Variants in RAB27B observed in about 807,000 individuals in gnomAD.
RAB27B encodes RAB27B, member RAS oncogene family.
RAB27B carries 15 observed loss-of-function variants against 24.6 expected under a neutral mutation model. That is an observed-to-expected ratio of 0.61 (90% CI 0.41 to 0.94). The LOEUF (loss-of-function observed/expected upper bound fraction) is 0.94. Among genes scored for constraint, RAB27B ranks in the 40% least tolerant of loss-of-function variants. RAB27B has a pLI of 0.00. For missense variants in RAB27B, 261 were observed against 266.8 expected (o/e 0.98, Z 0.15); for synonymous variants, 105 against 92.5 (o/e 1.14, Z -0.78).
intron 2 of RAB27B, among the ~76,000 whole-genome samples, chr18:54,757,427 T>C (rs1041744894): frequency 2.6e-5 from 4 of 152,214 alleles, no homozygotes; most frequent in African/African-American, 9.6e-5. Flanking sequence ...GCAATTATCA[T>C]ACCTTTTGAC....
chr18:54,857,212 T>A (rs72924767), intron 1 of RAB27B, among the ~76,000 whole-genome samples: 48 of 152,326 alleles, frequency 3.2e-4, no homozygotes, highest in Non-Finnish European at 6.3e-4. Flanking sequence ...GGGTACTCTG[T>A]CAGAATTCAT....
At chr18:54,853,250 A>G (rs781754353) in intron 1 of RAB27B, among the ~76,000 whole-genome samples, 14 of 152,186 alleles carry the variant, frequency 9.2e-5, no homozygotes, top group Non-Finnish European at 1.6e-4. Flanking sequence ...TAGAACTGCA[A>G]TGGGATCTTA....
intron 2 of RAB27B, among the ~76,000 whole-genome samples, chr18:54,781,959 T>G (rs1427274409): frequency 6.6e-6 from 1 of 152,240 alleles, no homozygotes; most frequent in Non-Finnish European, 1.5e-5. Flanking sequence ...ATGTGCCCAC[T>G]AAGCTTTTAA....
chr18:54,879,549 T>TTG, intron 3 of RAB27B, 95 bp downstream of exon 3: 1 of 974,288 alleles, frequency 1.0e-6, no homozygotes, highest in Non-Finnish European at 1.6e-6. Context: ...CAAATAATAT[T>TTG]CAACTCTTCT....
At chr18:54,824,097 A>G (rs1271792924), upstream of RAB27B, among the ~76,000 whole-genome samples, 1 of 152,222 alleles carries the variant, frequency 6.6e-6, no homozygotes, top group African/African-American at 2.4e-5. Flanking sequence ...TCTTCTCTGC[A>G]CATATACACA....
chr18:54,791,447 C>T (rs933652748), intron 2 of RAB27B, among the ~76,000 whole-genome samples: 7 of 152,136 alleles, frequency 4.6e-5, no homozygotes, highest in Admixed American at 2.6e-4. Flanking sequence ...TGGTGGAACA[C>T]GCCTGTAGTC....
intron 1 of RAB27B, among the ~76,000 whole-genome samples, chr18:54,862,345 G>A (rs1482170121): frequency 1.3e-5 from 2 of 152,176 alleles, no homozygotes; most frequent in Admixed American, 6.5e-5. Flanking sequence ...ACAGTTTTCA[G>A]CAGAAGGAGA....
At chr18:54,844,985 C>A (rs1911272300) in intron 1 of RAB27B, among the ~76,000 whole-genome samples, 1 of 152,142 alleles carries the variant, frequency 6.6e-6, no homozygotes, top group South Asian at 2.1e-4. Flanking sequence ...CCTTTAGAAT[C>A]TGATGTGTCG....
chr18:54,726,516 C>T (rs1262650011), intron 2 of RAB27B, among the ~76,000 whole-genome samples: 1 of 151,448 alleles, frequency 6.6e-6, no homozygotes, highest in African/African-American at 2.4e-5. Context: ...CGCTAACATT[C>T]AGCAGAGTTG....
intron 1 of RAB27B, among the ~76,000 whole-genome samples, chr18:54,855,165 C>T (rs1425976612): frequency 6.6e-6 from 1 of 152,168 alleles, no homozygotes; most frequent in African/African-American, 2.4e-5. Context: ...GTGCAGTTCA[C>T]AATAGAATTC....
intron 1 of RAB27B, among the ~76,000 whole-genome samples, chr18:54,839,940 T>A (rs1351127808): frequency 1.3e-5 from 2 of 152,326 alleles, no homozygotes; most frequent in East Asian, 3.9e-4. Context: ...AAATAATAGT[T>A]GCTTTGTCAT....
chr18:54,806,310 G>A (rs900675978), intron 2 of RAB27B, among the ~76,000 whole-genome samples: 6 of 151,422 alleles, frequency 4.0e-5, no homozygotes, highest in African/African-American at 1.5e-4. Flanking sequence ...GCAGCCTGGT[G>A]TGTGGTATGA....
chr18:54,802,693 G>A (rs1909648821), intron 2 of RAB27B, among the ~76,000 whole-genome samples: 1 of 152,198 alleles, frequency 6.6e-6, no homozygotes, highest in Admixed American at 6.5e-5. Flanking sequence ...AAACATGTAA[G>A]CTCAATTTGC....
rs560913518 is a variant in RAB27B, at chr18:54,798,794, CTT to C, written c.-19-78772_-19-78771del. On this transcript the variant is annotated intron_variant, in intron 2 of 4. Transcript: ENST00000586570. ...ACTAAATACAATTATTTATTTATGA[CTT>C]ATTTTCATTCATGTTATTAAGAACT... Among the ~76,000 whole-genome samples, 40 of 152,328 alleles carry C rather than the reference CTT, an allele frequency of 2.6e-4. 1 individual carries two copies. The South Asian group carries it at 7.5e-3, about 28-fold the overall frequency.
chr18:54,718,549 G>T (rs576756047), intron 2 of RAB27B, among the ~76,000 whole-genome samples: 44 of 152,240 alleles, frequency 2.9e-4, no homozygotes, highest in South Asian at 6.2e-4. Flanking sequence ...GATGTAGACT[G>T]CCAGAAAGCT....
chr18:54,740,263 C>T (rs976369948), intron 2 of RAB27B, among the ~76,000 whole-genome samples: 6 of 152,124 alleles, frequency 3.9e-5, no homozygotes, highest in African/African-American at 1.4e-4. Context: ...TAGCTCATCC[C>T]CAGATAATGA....
At chr18:54,794,077 C>A (rs1488724740) in intron 2 of RAB27B, among the ~76,000 whole-genome samples, 2 of 152,166 alleles carry the variant, frequency 1.3e-5, no homozygotes, top group African/African-American at 2.4e-5. Context: ...TGCATCCTAG[C>A]TCTGCCACTT....
intron 2 of RAB27B, among the ~76,000 whole-genome samples, chr18:54,740,354 A>G (rs1165012040): frequency 6.6e-6 from 1 of 152,200 alleles, no homozygotes; most frequent in East Asian, 1.9e-4. Flanking sequence ...TATGAAGGAA[A>G]TGATGAGTCA....
intron 2 of RAB27B, among the ~76,000 whole-genome samples, chr18:54,729,886 C>T (rs1054700170): frequency 6.6e-6 from 1 of 152,146 alleles, no homozygotes; most frequent in Admixed American, 6.5e-5. Context: ...TTAAGACCAG[C>T]CTCACATTAG....
Sources: allele counts gnomAD v4.1 joint callset (sites outside exome capture counted in the v4.1 genomes callset), GRCh38; gene constraint gnomAD v4.1.1; transcripts MANE v1.5; gene names NCBI Gene and HGNC (gene_info 2026-07-23, HGNC 2026-07-21).